Variants in LARP1B observed in about 807,000 individuals in gnomAD.
LARP1B encodes the protein la-related protein 1B.
A neutral mutation model predicts 114.2 loss-of-function variants in LARP1B; 76 were observed. The ratio of observed to expected loss-of-function variants is 0.67; its 90% CI spans 0.55 to 0.81. The LOEUF (loss-of-function observed/expected upper bound fraction) is 0.81. Ranked by LOEUF, LARP1B falls within the 30% of genes least tolerant of loss-of-function variation. The pLI, the probability that LARP1B is intolerant of heterozygous loss-of-function variation, is 0.00. For missense variants in LARP1B, 1,014 were observed against 1,075.8 expected (o/e 0.94, Z 0.80); for synonymous variants, 345 against 348.0 (o/e 0.99, Z 0.10).
chr4:128,123,328 A>G (rs1387742025), intron 11 of LARP1B: 1 of 985,302 alleles, frequency 1.0e-6, no homozygotes, highest in Admixed American at 6.2e-5. Context: ...TTCTCAGTTG[A>G]AAGTCTTTCC....
At chr4:128,213,900 T>A (rs904484926), downstream of LARP1B, among the ~76,000 whole-genome samples, 1 of 151,774 alleles carries the variant, frequency 6.6e-6, no homozygotes, top group Non-Finnish European at 1.5e-5. Context: ...ACCGGGTTCA[T>A]CTCACTAGGG....
At chr4:128,061,495 C>G (rs892384029) in intron 1 of LARP1B, 94 bp downstream of exon 1, 1 of 191,456 alleles carries the variant, frequency 5.2e-6, no homozygotes, top group Non-Finnish European at 9.5e-6. Flanking sequence ...GGGCGGTTGG[C>G]GCTCCGTTCG....
intron 7 of LARP1B, among the ~76,000 whole-genome samples, chr4:128,096,994 G>A (rs1216696484): frequency 2.0e-5 from 3 of 152,028 alleles, no homozygotes; most frequent in African/African-American, 7.2e-5. Flanking sequence ...TGCCTCCTGG[G>A]TGCAATTGAT....
At chr4:128,182,719 C>T (rs34021656) in intron 15 of LARP1B, among the ~76,000 whole-genome samples, 88,900 of 151,912 alleles carry the variant, frequency 0.59, 27,296 homozygotes, top group Middle Eastern at 0.8. Context: ...GAGGAAGGCA[C>T]GTTGAAAGCC....
intron 11 of LARP1B, chr4:128,122,458 T>G: frequency 1.3e-6 from 2 of 1,504,564 alleles, no homozygotes; most frequent in Non-Finnish European, 1.8e-6. Flanking sequence ...TTTTTTGTTT[T>G]GTTTTTTTTT....
rs1472986251 is a variant in LARP1B, at chr4:128,211,484, ATAT to A, written c.*1433_*1435del. 3 of 905,888 alleles carry A rather than the reference ATAT, an allele frequency of 3.3e-6. No homozygotes were observed. Among genetic ancestry groups the A allele is most frequent in the African/African-American group, 1.8e-5 (1 of 55,544 alleles). The allele number at this position is 905,888 out of a possible 1,614,324, so 56.1% of individuals were successfully genotyped here. ...ATAAGTAATAATCAGCAGTTTTATA[ATAT>A]TTACTATTTGGAGGGTCATTTTGAT... On this transcript the variant is annotated 3_prime_UTR_variant, in exon 20 of 20. Transcript: ENST00000326639.
At chr4:128,142,421 A>G (rs1357129424) in intron 11 of LARP1B, among the ~76,000 whole-genome samples, 1 of 152,216 alleles carries the variant, frequency 6.6e-6, no homozygotes, top group African/African-American at 2.4e-5. Context: ...CAGCCTTTAC[A>G]TAGAAACTGT....
intron 11 of LARP1B, among the ~76,000 whole-genome samples, chr4:128,139,058 G>A (rs10518529): frequency 0.59 from 90,029 of 152,000 alleles, 27,778 homozygotes; most frequent in Middle Eastern, 0.8. Context: ...CAAGATCATG[G>A]ATTAATTGTA....
At chr4:128,143,022 C>T (rs529826253) in intron 11 of LARP1B, among the ~76,000 whole-genome samples, 85 of 151,910 alleles carry the variant, frequency 5.6e-4, no homozygotes, top group Non-Finnish European at 1.0e-3. Flanking sequence ...CACGGTGGCT[C>T]ACGCCTGTAA....
Position 128,082,227 on chromosome 4 carries a change from C to T in LARP1B, c.280C>T (p.Pro94Ser). 1 of 1,613,090 alleles carries T rather than the reference C, an allele frequency of 6.2e-7. No individual in the cohort carries two copies. The highest frequency in any genetic ancestry group is 1.1e-5 in the South Asian group (1 of 91,046). ...DVVRSESQER[P>S]GSRNSSRCQP... ...TGTAAGATCAGAGAGTCAAGAAAGA[C>T]CTGGATCCCGGAACAGCTCAAGATG... Residue 94 changes from proline (P) to serine (S), a missense_variant, in exon 5 of 20, where the codon CCT (proline) becomes TCT (serine). Physicochemically the swap from Pro to Ser is moderately conservative, Grantham distance 74. Coordinates refer to ENST00000326639, the MANE Select transcript of LARP1B (RefSeq NM_018078.4).
intron 3 of LARP1B, among the ~76,000 whole-genome samples, chr4:128,077,405 G>A (rs1184291862): frequency 6.6e-6 from 1 of 152,036 alleles, no homozygotes; most frequent in Non-Finnish European, 1.5e-5. Context: ...GGAGGCTGAG[G>A]CAGGATAATT....
At chr4:128,100,440 C>CT (rs1779906955) in intron 8 of LARP1B, among the ~76,000 whole-genome samples, 1 of 151,246 alleles carries the variant, frequency 6.6e-6, no homozygotes, top group East Asian at 2.0e-4. Flanking sequence ...GCCTATCTAA[C>CT]TTTTGTGTTT....
At chr4:128,158,894 G>C (rs2150401452) in intron 11 of LARP1B, among the ~76,000 whole-genome samples, 1 of 152,184 alleles carries the variant, frequency 6.6e-6, no homozygotes. Context: ...ACAATGCTGG[G>C]CAAGGTAGCT....
rs750290830 is a variant in LARP1B, at chr4:128,145,889, G to GT, written c.1525-16305_1525-16304insT. Among the ~76,000 whole-genome samples, 78 of 152,314 alleles carry GT rather than the reference G, an allele frequency of 5.1e-4. No individual in the cohort carries two copies. The Middle Eastern group carries it at 0.01, about 20-fold the overall frequency. ...GGTATTGGTTGCTCCGTCATAGCCA[G>GT]AAGCAGAAGACCATACCCATTACAT... is the stretch of plus-strand genomic sequence containing the variant. On this transcript the variant is annotated intron_variant, in intron 11 of 19. Transcript: ENST00000326639.
intron 11 of LARP1B, among the ~76,000 whole-genome samples, chr4:128,149,190 C>G (rs1340257243): frequency 6.6e-6 from 1 of 152,100 alleles, no homozygotes; most frequent in African/African-American, 2.4e-5. Flanking sequence ...ATTATTATTG[C>G]TAAACAAGTA....
intron 1 of LARP1B, among the ~76,000 whole-genome samples, chr4:128,070,655 G>T (rs1159737802): frequency 6.6e-6 from 1 of 151,862 alleles, no homozygotes; most frequent in Admixed American, 6.6e-5. Context: ...GTGAAATTCC[G>T]TCTCAAAAAG....
chr4:128,142,876 C>G (rs932123933), intron 11 of LARP1B, among the ~76,000 whole-genome samples: 1 of 152,102 alleles, frequency 6.6e-6, no homozygotes, highest in Non-Finnish European at 1.5e-5. Flanking sequence ...AAAGACTTCT[C>G]AGATCGCTTT....
At chr4:128,075,407 G>GA (rs1375436813) in intron 3 of LARP1B, among the ~76,000 whole-genome samples, 1 of 152,034 alleles carries the variant, frequency 6.6e-6, no homozygotes, top group African/African-American at 2.4e-5. Context: ...TTAAAAACTT[G>GA]ATTCATCAAG....
At chr4:128,102,510 A>G (rs981289175) in intron 8 of LARP1B, among the ~76,000 whole-genome samples, 2 of 152,236 alleles carry the variant, frequency 1.3e-5, no homozygotes, top group African/African-American at 4.8e-5. Context: ...AATATGCTCA[A>G]GTTTTTCCTT....
Sources: gnomAD v4.1 joint callset for allele counts (sites outside exome capture counted in the v4.1 genomes callset) on GRCh38, gnomAD v4.1.1 for gene constraint, MANE v1.5 for transcripts, NCBI Gene and HGNC (gene_info 2026-07-23, HGNC 2026-07-21) for gene names.